Variants in NAV1 observed in about 807,000 individuals in gnomAD.
The protein encoded by NAV1 is neuron navigator 1.
A neutral mutation model predicts 175.2 loss-of-function variants in NAV1; 18 were observed. The ratio of observed to expected loss-of-function variants is 0.10; its 90% confidence interval spans 0.07 to 0.15. The LOEUF is 0.15. NAV1 is among the 10% of genes least tolerant of loss of function. NAV1 has a pLI of 1.00. For missense variants in NAV1, 1,731 were observed against 2,436.6 expected (o/e 0.71, Z 6.10); for synonymous variants, 897 against 978.7 (o/e 0.92, Z 1.56).
In NAV1 at chr1:201,808,681, A is replaced by C; in HGVS notation, c.4039-22A>C. The C allele has an allele frequency of 1.2e-6, 2 of 1,614,144 alleles. No individual in the cohort carries two copies. The highest frequency in any genetic ancestry group is 1.7e-6 in the Non-Finnish European group (2 of 1,180,030). Reference sequence around the variant, plus strand: ...TGCTGTCTGTCCAGTCTGCCACCCTACCCTGTCTGTTCTTGCCACAGTTGG... The same window carrying C: ...TGCTGTCTGTCCAGTCTGCCACCCTCCCCTGTCTGTTCTTGCCACAGTTGG... On this transcript the variant is annotated intron_variant, in intron 19 of 29. Transcript: ENST00000367296. This position sits in a 1 kb window ranked among gnomAD's most constrained non-coding sequence, Gnocchi z 5.5.
Position 201,813,924 on chromosome 1 carries a change from G to A in NAV1, c.5340+666G>A, listed in dbSNP as rs911374849. On this transcript the variant is annotated intron_variant, in intron 28 of 29. Coordinates refer to ENST00000367296, the Ensembl canonical transcript of NAV1. This position sits in a 1 kb window ranked among gnomAD's most constrained non-coding sequence, Gnocchi z 4.2. ...TACAAAAAATTAGCCAGACGTGGTG[G>A]TGGGCGCCTGCAGTCCCAGCTACTT... Among the ~76,000 whole-genome samples the A allele has an allele frequency of 4.6e-5, 7 of 152,122 alleles. No individual in the cohort carries two copies. Among genetic ancestry groups the A allele is most frequent in the Non-Finnish European group, 7.4e-5 (5 of 68,010 alleles).
intron 1 of NAV1, among the ~76,000 whole-genome samples, chr1:201,666,031 C>G (rs1423129132): frequency 2.0e-5 from 3 of 152,074 alleles, no homozygotes; most frequent in Non-Finnish European, 4.4e-5. Context: ...AGGGAGTGGG[C>G]AGCTGAAGGC....
intron 1 of NAV1, among the ~76,000 whole-genome samples, chr1:201,687,240 C>T (rs959628850): frequency 1.3e-5 from 2 of 151,522 alleles, no homozygotes; most frequent in South Asian, 2.1e-4. Context: ...TTATAGGTTG[C>T]TTTTTTTTTC....
Position 201,811,552 on chromosome 1 carries a change from G to T in NAV1, c.4798-51G>T. On this transcript the variant is annotated intron_variant, in intron 24 of 29. Transcript: ENST00000367296. ...CTTCAAAATCCTGATTTCCAAGGCC[G>T]ATCCAGCTGCTTATTCCCAAGTGCT... 1.9e-6 allele frequency: 3 copies of T among 1,610,152 alleles called. No homozygotes were observed. The South Asian group carries it at 3.3e-5, about 18-fold the overall frequency.
At chr1:201,567,631 G>A (rs1399717374) in intron 1 of NAV1, among the ~76,000 whole-genome samples, 1 of 152,160 alleles carries the variant, frequency 6.6e-6, no homozygotes, top group Non-Finnish European at 1.5e-5. Context: ...GAGGCACAGG[G>A]AGATGGAACT....
At chr1:201,574,062 GA>G (rs111716555) in intron 1 of NAV1, among the ~76,000 whole-genome samples, 12,527 of 137,696 alleles carry the variant, frequency 0.091, 1,340 homozygotes, top group African/African-American at 0.27. Flanking sequence ...CTGTCTCTAA[GA>G]AAAAAAAAAA....
At chr1:201,629,551 C>A (rs1159198900) in intron 2 of NAV1, 44 bp downstream of exon 4, 2 of 1,257,140 alleles carry the variant, frequency 1.6e-6, no homozygotes, top group South Asian at 1.3e-5. Flanking sequence ...CGGGAGGCCA[C>A]TGTGCTAGAG....
chr1:201,685,032 T>G (rs1398245185), intron 1 of NAV1, among the ~76,000 whole-genome samples: 2 of 148,068 alleles, frequency 1.4e-5, no homozygotes, highest in African/African-American at 5.0e-5. Flanking sequence ...ATCCCAACTG[T>G]TTGGGGAGGC....
rs191274005 is a variant in NAV1 at position 201,677,926 on chromosome 1, G to T, written c.757+28501G>T. Among the ~76,000 whole-genome samples, 446 of 152,078 alleles carry T rather than the reference G, an allele frequency of 2.9e-3. 3 individuals are homozygous for T. The highest frequency in any genetic ancestry group is 0.01 in the African/African-American group (424 of 41,484). ...ATTACAGGCGTGACCCACCATACCC[G>T]GCCAAACTCACCTTCCTAATAGCCT... On this transcript the variant is annotated intron_variant, in intron 1 of 29. Coordinates refer to ENST00000367296, the Ensembl canonical transcript of NAV1.
intron 3 of NAV1, among the ~76,000 whole-genome samples, chr1:201,780,216 T>A (rs1218628024): frequency 6.6e-6 from 1 of 152,160 alleles, no homozygotes; most frequent in East Asian, 1.9e-4. Flanking sequence ...CAGAGTCTCT[T>A]CCTTTTGTAA....
rs199609012 is a variant in NAV1 at position 201,699,262 on chromosome 1, G to A, written c.758-13555G>A. On this transcript the variant is annotated intron_variant, in intron 1 of 29. Coordinates refer to ENST00000367296, the Ensembl canonical transcript of NAV1. ...CAAAGTCTCAGGATACAAAATCAATGTGCAAAAATCACAAGCATTCCTATA... is the reference window on the plus strand; with the variant it reads ...CAAAGTCTCAGGATACAAAATCAATATGCAAAAATCACAAGCATTCCTATA... 3.3e-3 allele frequency among the ~76,000 whole-genome samples: 498 copies of A among 152,246 alleles called. 2 individuals are homozygous for A. In the East Asian group the frequency reaches 0.039, roughly 12 times the overall value.
At chr1:201,726,540 C>T (rs1672612494) in intron 3 of NAV1, among the ~76,000 whole-genome samples, 1 of 150,206 alleles carries the variant, frequency 6.7e-6, no homozygotes, top group Non-Finnish European at 1.5e-5. Context: ...CCCAGCTGCT[C>T]AGGAGGCTGA....
intron 1 of NAV1, among the ~76,000 whole-genome samples, chr1:201,688,842 C>T (rs1460247701): frequency 6.6e-6 from 1 of 152,232 alleles, no homozygotes; most frequent in African/African-American, 2.4e-5. Context: ...AATTGGCTCT[C>T]ACTTTGATAA....
In NAV1 at chr1:201,788,858, C is replaced by T. The variant is rs1236667643; in HGVS notation, c.3166+220C>T. Among the ~76,000 whole-genome samples, 1 of 152,156 alleles carries T rather than the reference C, an allele frequency of 6.6e-6. No homozygotes were observed. Among genetic ancestry groups the T allele is most frequent in the Non-Finnish European group, 1.5e-5 (1 of 68,036 alleles). On this transcript the variant is annotated intron_variant, in intron 10 of 29. Transcript: ENST00000367296. The surrounding 1 kb of genome is among the most constrained non-coding windows in gnomAD (Gnocchi z 5.7). ...CACTGGGGCATTGGGATGGAGCATC[C>T]ATCACTGGGGCTGGGGGAGGGAAAT... is the stretch of plus-strand genomic sequence containing the variant.
chr1:201,773,344 C>T (rs1034150863), intron 3 of NAV1, among the ~76,000 whole-genome samples: 2 of 152,202 alleles, frequency 1.3e-5, no homozygotes, highest in African/African-American at 4.8e-5. Flanking sequence ...CCATCATGCC[C>T]AGCCAGGCTG....
intron 3 of NAV1, among the ~76,000 whole-genome samples, chr1:201,748,830 A>G (rs1347281538): frequency 2.0e-5 from 3 of 152,062 alleles, no homozygotes; most frequent in Non-Finnish European, 4.4e-5. Context: ...TAGCTACCCC[A>G]TGTCCCTTTT....
At chr1:201,557,122 T>C (rs1021955690) in intron 1 of NAV1, among the ~76,000 whole-genome samples, 3 of 152,056 alleles carry the variant, frequency 2.0e-5, no homozygotes, top group Non-Finnish European at 4.4e-5. Context: ...AAGTTGAAGA[T>C]TTCTATGCAT....
chr1:201,806,944 C>T (rs1678324418), intron 17 of NAV1, among the ~76,000 whole-genome samples: 1 of 152,070 alleles, frequency 6.6e-6, no homozygotes, highest in South Asian at 2.1e-4. Context: ...TTTTTCTCAC[C>T]GTCCCAAAGA....
In NAV1 at chr1:201,785,365, G is replaced by A. The variant is rs367836387; in HGVS notation, c.2846+14G>A. ...GAAAGGGCTCAGGTAACCCTTTAAT[G>A]TGTTTTTTCTTCCCTATAAATGGGA... On this transcript the variant is annotated intron_variant, in intron 8 of 29. Coordinates refer to ENST00000367296, the Ensembl canonical transcript of NAV1. The A allele has an allele frequency of 1.9e-6, 3 of 1,609,660 alleles. No homozygotes were observed. The highest frequency in any genetic ancestry group is 1.7e-5 in the Admixed American group (1 of 59,506).
Sources: allele counts gnomAD v4.1 joint callset (sites outside exome capture counted in the v4.1 genomes callset), GRCh38; gene constraint gnomAD v4.1.1; non-coding constraint Gnocchi (gnomAD v3.1); transcripts MANE v1.5; gene names NCBI Gene and HGNC (gene_info 2026-07-23, HGNC 2026-07-21).